RPS6KC1: variants seen among roughly 807,000 people sequenced by gnomAD.
The protein encoded by RPS6KC1 is ribosomal protein S6 kinase C1.
A neutral mutation model predicts 103.8 loss-of-function variants in RPS6KC1; 54 were observed. The observed-to-expected ratio is 0.52, with a 90% confidence interval of 0.42 to 0.65. The LOEUF is 0.65. Ranked by LOEUF, RPS6KC1 falls within the 30% of genes least tolerant of loss-of-function variation. The pLI is 0.00. For missense variants in RPS6KC1, 1,151 were observed against 1,253.8 expected, an observed-to-expected ratio of 0.92 and a Z score of 1.24; for synonymous variants, 439 against 438.7, an observed-to-expected ratio of 1.00 and a Z score of -0.01.
chr1:213,822,905 T>C, the RPS6KC1 span, among the ~76,000 whole-genome samples: 2 of 152,208 alleles, frequency 1.3e-5, no homozygotes, highest in Admixed American at 1.3e-4. Context: ...TATAATCTAC[T>C]ATCTTTACAG....
the RPS6KC1 span, among the ~76,000 whole-genome samples, chr1:213,712,986 T>C: frequency 6.6e-6 from 1 of 152,144 alleles, no homozygotes; most frequent in East Asian, 1.9e-4. Flanking sequence ...CGGTTTTTGG[T>C]TACTGTAAAG....
intron 7 of RPS6KC1, among the ~76,000 whole-genome samples, chr1:213,170,845 A>G (rs976064060): frequency 6.6e-6 from 1 of 152,156 alleles, no homozygotes; most frequent in Non-Finnish European, 1.5e-5. Context: ...TCACTTCTTT[A>G]ACCATCTTTG....
At chr1:213,196,509 G>A (rs554319836) in intron 8 of RPS6KC1, among the ~76,000 whole-genome samples, 1 of 151,968 alleles carries the variant, frequency 6.6e-6, no homozygotes, top group Non-Finnish European at 1.5e-5. Flanking sequence ...ATTTATCTTT[G>A]TTTTTATTAC....
At chr1:213,104,059 A>C (rs1376116947) in intron 3 of RPS6KC1, among the ~76,000 whole-genome samples, 2 of 152,186 alleles carry the variant, frequency 1.3e-5, no homozygotes, top group African/African-American at 4.8e-5. Context: ...TATAAATCAA[A>C]AAGAGTAGAA....
the RPS6KC1 span, among the ~76,000 whole-genome samples, chr1:213,320,370 A>G: frequency 6.6e-6 from 1 of 152,236 alleles, no homozygotes; most frequent in Non-Finnish European, 1.5e-5. Flanking sequence ...ATTAGCACAA[A>G]TGTTACAGCA....
intron 2 of RPS6KC1, among the ~76,000 whole-genome samples, chr1:213,071,317 T>C (rs6699158): frequency 0.73 from 110,565 of 151,950 alleles, 40,996 homozygotes; most frequent in African/African-American, 0.86. Context: ...TTAGTAGAGA[T>C]GGGGTTTTAC....
At chr1:213,408,577 C>T in the RPS6KC1 span, among the ~76,000 whole-genome samples, 1 of 152,142 alleles carries the variant, frequency 6.6e-6, no homozygotes, top group African/African-American at 2.4e-5. Flanking sequence ...GGAATTCTAC[C>T]TCAAGACTGC....
At chr1:213,620,035 C>T in the RPS6KC1 span, among the ~76,000 whole-genome samples, 7 of 152,080 alleles carry the variant, frequency 4.6e-5, no homozygotes, top group Admixed American at 1.3e-4. Flanking sequence ...CAAGTATAGC[C>T]GTACGTAAGT....
chr1:213,447,828 G>A, the RPS6KC1 span, among the ~76,000 whole-genome samples: 1 of 152,028 alleles, frequency 6.6e-6, no homozygotes, highest in Non-Finnish European at 1.5e-5. Context: ...ATAACAATTG[G>A]CAGAGTAATT....
intron 1 of RPS6KC1, among the ~76,000 whole-genome samples, chr1:213,054,116 G>A (rs1320511582): frequency 1.3e-5 from 2 of 152,300 alleles, no homozygotes; most frequent in South Asian, 2.1e-4. Flanking sequence ...GATTACAGGC[G>A]TGAGCCACCG....
At chr1:213,511,751 G>A in the RPS6KC1 span, among the ~76,000 whole-genome samples, 4 of 152,262 alleles carry the variant, frequency 2.6e-5, no homozygotes, top group African/African-American at 7.2e-5. Flanking sequence ...TCAAGCCTTT[G>A]TTTAAATGTC....
In RPS6KC1 at chr1:213,176,455, A is replaced by T; in HGVS notation, c.1007A>T (p.Glu336Val). The T allele has an allele frequency of 2.5e-6, 4 of 1,609,170 alleles. No homozygotes were observed. Among genetic ancestry groups the T allele is most frequent in the Non-Finnish European group, 3.4e-6 (4 of 1,176,350 alleles). Residue 336 changes from glutamate to valine, a missense_variant, in exon 8 of 15, where the codon GAG becomes GTG. Physicochemically the swap from Glu to Val is moderately radical, Grantham distance 121 (BLOSUM62 -2). Transcript: ENST00000366960. ...PLWNLRSPAE[E>V]LKAFRVLGVI... is the part of the protein sequence containing the mutation. ...TGGAACCTAAGGAGCCCTGCCGAGG[A>T]GCTGAAGGCCTTCAGAGTCCTTGGG...
chr1:213,190,368 A>G (rs2092704040), intron 8 of RPS6KC1, among the ~76,000 whole-genome samples: 1 of 152,034 alleles, frequency 6.6e-6, no homozygotes. Flanking sequence ...GATGATGTCT[A>G]ATTATAGTTT....
intron 4 of RPS6KC1, among the ~76,000 whole-genome samples, chr1:213,109,290 G>C (rs1458998975): frequency 1.3e-5 from 2 of 151,958 alleles, no homozygotes; most frequent in Non-Finnish European, 2.9e-5. Flanking sequence ...GCGCCCGCCA[G>C]CACGCCTGGC....
At chr1:213,167,439 A>C (rs1403755082) in intron 6 of RPS6KC1, among the ~76,000 whole-genome samples, 1 of 75,946 alleles carries the variant, frequency 1.3e-5, no homozygotes, top group Non-Finnish European at 2.4e-5. Flanking sequence ...CAAGGTTGAA[A>C]ACACACACAC....
At chr1:213,096,359 A>G (rs1295749576) in intron 3 of RPS6KC1, among the ~76,000 whole-genome samples, 2 of 152,118 alleles carry the variant, frequency 1.3e-5, no homozygotes, top group African/African-American at 2.4e-5. Context: ...GAACCCCTCA[A>G]AGTCATCCAT....
At chr1:213,191,673 G>C (rs1260770306) in intron 8 of RPS6KC1, among the ~76,000 whole-genome samples, 1 of 151,950 alleles carries the variant, frequency 6.6e-6, no homozygotes, top group African/African-American at 2.4e-5. Flanking sequence ...TTCTGGTACT[G>C]TATTGAATAA....
the RPS6KC1 span, among the ~76,000 whole-genome samples, chr1:213,374,452 T>C: frequency 6.6e-6 from 1 of 151,878 alleles, no homozygotes; most frequent in Non-Finnish European, 1.5e-5. Context: ...TTGTACCCTG[T>C]AGTAATTGAG....
At chr1:213,557,493 C>T in the RPS6KC1 span, among the ~76,000 whole-genome samples, 1 of 152,116 alleles carries the variant, frequency 6.6e-6, no homozygotes, top group Non-Finnish European at 1.5e-5. Flanking sequence ...GGATGGGACC[C>T]TGGGATTAAC....
Sources: gnomAD v4.1 joint callset for allele counts (sites outside exome capture counted in the v4.1 genomes callset) on GRCh38, gnomAD v4.1.1 for gene constraint, MANE v1.5 for transcripts, NCBI Gene and HGNC (gene_info 2026-07-23, HGNC 2026-07-21) for gene names.